KCNE1: variants seen among roughly 807,000 people sequenced by gnomAD.
KCNE1 encodes potassium voltage-gated channel subfamily E regulatory subunit 1, also known as potassium voltage-gated channel subfamily E member 1.
A neutral mutation model predicts 2.9 loss-of-function variants in KCNE1; 1 was observed. The observed-to-expected ratio is 0.34, with a 90% CI of 0.12 to 1.62. The LOEUF (loss-of-function observed/expected upper bound fraction) is 1.62. Among genes scored for constraint, KCNE1 ranks in the 40% most tolerant of loss-of-function variants. The pLI is 0.36. For synonymous variants in KCNE1, 23 were observed against 65.4 expected (o/e 0.35, Z 3.13); for missense variants, 45 against 150.5 (o/e 0.30, Z 3.67).
chr21:34,511,296 G>C lies in KCNE1; in HGVS notation c.-357C>G. On this transcript the variant is annotated 5_prime_UTR_variant, in exon 2 of 4. Transcript: ENST00000399286. ...AACGCCCTCCAGGACAGGCCGAAGG[G>C]CTTGTCTGTTTGGTGGTTGCTAAGG... is the stretch of plus-strand genomic sequence containing the variant. 1.0e-6 allele frequency: 1 copy of C among 985,534 alleles called. No homozygotes were observed. The highest frequency in any genetic ancestry group is 1.2e-6 in the Non-Finnish European group (1 of 829,998). The allele number at this position is 985,534 out of a possible 1,614,324, so 61.0% of individuals were successfully genotyped here. A position where few individuals can be genotyped will look rare whatever the true frequency, so the allele number is the denominator to read the frequency against.
rs552595189 is a variant in KCNE1, at chr21:34,503,944, C to T, written c.-162+7157G>A. Among the ~76,000 whole-genome samples the T allele has an allele frequency of 1.3e-3, 199 of 152,354 alleles. 2 individuals are homozygous for T. Among genetic ancestry groups the T allele is most frequent in the African/African-American group, 4.6e-3 (193 of 41,584 alleles). On this transcript the variant is annotated intron_variant, in intron 2 of 3. Transcript: ENST00000399286. ...TTGTAGCACCCCAAACCAGTAAGCACACACATTCAAATACATGTACATGCC... is the reference window on the plus strand; with the variant it reads ...TTGTAGCACCCCAAACCAGTAAGCATACACATTCAAATACATGTACATGCC...
chr21:34,502,040 G>A (rs1360850275), intron 2 of KCNE1, among the ~76,000 whole-genome samples: 2 of 152,168 alleles, frequency 1.3e-5, no homozygotes, highest in Non-Finnish European at 2.9e-5. Context: ...GATGTCATGG[G>A]TATTGGGGAC....
At chr21:34,503,630 A>G (rs1983299948) in intron 2 of KCNE1, among the ~76,000 whole-genome samples, 1 of 152,292 alleles carries the variant, frequency 6.6e-6, no homozygotes, top group African/African-American at 2.4e-5. Context: ...TCATCCACCC[A>G]TTACTCATTA....
intron 2 of KCNE1, chr21:34,510,016 T>A (rs1983746323): frequency 6.6e-6 from 1 of 152,204 alleles, no homozygotes. Flanking sequence ...AATCAATTTT[T>A]CCTATAAAGG....
In KCNE1 at chr21:34,449,554, C is replaced by T; in HGVS notation, c.81G>A (p.Met27Ile). The T allele has an allele frequency of 2.0e-6, 2 of 978,428 alleles. 1 individual carries two copies. Among genetic ancestry groups the T allele is most frequent in the Non-Finnish European group, 2.8e-6 (2 of 710,504 alleles). The allele number at this position is 978,428 out of a possible 1,614,324, so 60.6% of individuals were successfully genotyped here. The stretch of plus-strand genomic sequence containing the variant: ...GGGGGGACCTGCGGGCCAGGCCCGA[C>T]ATGTTGCCACCCTGCTGAACTGTCT... Reference protein sequence around the residue: ...WQETVQQGGNMSGLARRSPRS... With the variant: ...WQETVQQGGNISGLARRSPRS... Residue 27 changes from methionine to isoleucine, a missense_variant, in exon 4 of 4, where the codon ATG becomes ATA. Coordinates refer to ENST00000399286, the MANE Select transcript of KCNE1 (RefSeq NM_000219.6).
At chr21:34,509,301 G>A (rs1182237787) in intron 2 of KCNE1, among the ~76,000 whole-genome samples, 1 of 152,204 alleles carries the variant, frequency 6.6e-6, no homozygotes, top group African/African-American at 2.4e-5. Context: ...TCAGCTCCTA[G>A]AGGCTGCCCT....
chr21:34,499,552 G>T (rs1265035664), intron 2 of KCNE1, among the ~76,000 whole-genome samples: 1 of 152,240 alleles, frequency 6.6e-6, no homozygotes, highest in Non-Finnish European at 1.5e-5. Context: ...GATAGAGTCA[G>T]AGATGGCTTC....
chr21:34,504,460 C>T (rs753463003), intron 2 of KCNE1, among the ~76,000 whole-genome samples: 1 of 152,304 alleles, frequency 6.6e-6, no homozygotes, highest in South Asian at 2.1e-4. Flanking sequence ...AACACTCCTA[C>T]GCTGCTGGTG....
At chr21:34,505,677 A>G (rs1371671864) in intron 2 of KCNE1, among the ~76,000 whole-genome samples, 1 of 152,218 alleles carries the variant, frequency 6.6e-6, no homozygotes, top group Non-Finnish European at 1.5e-5. Flanking sequence ...CCTCACCGCA[A>G]TCCCTACAAG....
chr21:34,511,747 C>T (rs540569802), intron 1 of KCNE1, among the ~76,000 whole-genome samples: 3 of 152,338 alleles, frequency 2.0e-5, no homozygotes, highest in African/African-American at 7.2e-5. Context: ...TAGGCACTGC[C>T]CTGCCCTGCA....
At chr21:34,498,812 G>A (rs1982967898) in intron 2 of KCNE1, among the ~76,000 whole-genome samples, 1 of 152,218 alleles carries the variant, frequency 6.6e-6, no homozygotes, top group Admixed American at 6.5e-5. Context: ...TTGTTGTAAT[G>A]TCCTGAGCTG....
At chr21:34,505,446 C>A (rs1568864324) in intron 2 of KCNE1, among the ~76,000 whole-genome samples, 1 of 145,852 alleles carries the variant, frequency 6.9e-6, no homozygotes, top group East Asian at 2.0e-4. Flanking sequence ...CCTTGATCAC[C>A]TTTTTTTTTT....
intron 1 of KCNE1, 120 bp from the exon 2 acceptor site, chr21:34,511,435 T>G: frequency 3.4e-6 from 1 of 297,486 alleles, no homozygotes; most frequent in Non-Finnish European, 5.0e-6. Flanking sequence ...ATTCTCTCTC[T>G]CTTGTTCTCT....
At chr21:34,508,414 C>A (rs1983634872) in intron 2 of KCNE1, among the ~76,000 whole-genome samples, 1 of 152,176 alleles carries the variant, frequency 6.6e-6, no homozygotes, top group East Asian at 1.9e-4. Context: ...GCCATCTCAG[C>A]TCACTGCAAA....
chr21:34,496,611 C>T (rs973550445), intron 2 of KCNE1, among the ~76,000 whole-genome samples: 1 of 152,112 alleles, frequency 6.6e-6, no homozygotes, highest in Non-Finnish European at 1.5e-5. Context: ...ATTCCATGTG[C>T]TGACGAAAAG....
chr21:34,500,355 T>C (rs1314398218), intron 2 of KCNE1, among the ~76,000 whole-genome samples: 3 of 152,226 alleles, frequency 2.0e-5, no homozygotes, highest in African/African-American at 7.2e-5. Context: ...CCAGAGAGTA[T>C]CCAACTAAGG....
intron 2 of KCNE1, among the ~76,000 whole-genome samples, chr21:34,500,585 C>T (rs905468529): frequency 2.0e-5 from 3 of 152,164 alleles, no homozygotes; most frequent in African/African-American, 4.8e-5. Context: ...TTCTTCCAGC[C>T]CTATCCCTCT....
intron 2 of KCNE1, among the ~76,000 whole-genome samples, chr21:34,497,837 A>G (rs1224083349): frequency 6.6e-6 from 1 of 152,144 alleles, no homozygotes; most frequent in Non-Finnish European, 1.5e-5. Flanking sequence ...AGTTTAACAT[A>G]ATCCCAAATT....
At chr21:34,503,913 G>T (rs775251847) in intron 2 of KCNE1, among the ~76,000 whole-genome samples, 2 of 152,160 alleles carry the variant, frequency 1.3e-5, no homozygotes, top group Non-Finnish European at 2.9e-5. Context: ...ACCTCACCTT[G>T]TGAATTTGTA....
Sources: allele counts gnomAD v4.1 joint callset (sites outside exome capture counted in the v4.1 genomes callset), GRCh38; gene constraint gnomAD v4.1.1; transcripts MANE v1.5; gene names NCBI Gene and HGNC (gene_info 2026-07-23, HGNC 2026-07-21).